The following TPTE2 variants were observed in gnomAD, a reference collection of about 807,000 sequenced individuals.
TPTE2 encodes transmembrane phosphoinositide 3-phosphatase and tensin homolog 2.
In TPTE2, 53 loss-of-function variants were observed where a neutral mutation model predicts 78.6. That is an observed-to-expected ratio of 0.67 (90% confidence interval 0.54 to 0.85). The LOEUF is 0.85. Ranked by LOEUF, TPTE2 falls within the 40% of genes least tolerant of loss-of-function variation. The pLI, the probability that TPTE2 is intolerant of heterozygous loss-of-function variation, is 0.00. For synonymous variants in TPTE2, 175 were observed against 206.2 expected, an observed-to-expected ratio of 0.85 and a Z score of 1.30; for missense variants, 461 against 623.0, an observed-to-expected ratio of 0.74 and a Z score of 2.77.
chr13:19,427,449 T>C (rs1221690829), intron 17 of TPTE2, among the ~76,000 whole-genome samples: 1 of 152,210 alleles, frequency 6.6e-6, no homozygotes, highest in Non-Finnish European at 1.5e-5. Flanking sequence ...CTTTAATCAA[T>C]TAAATATTAT....
intron 1 of TPTE2, among the ~76,000 whole-genome samples, chr13:19,518,385 T>G (rs1869934391): frequency 1.3e-5 from 2 of 152,060 alleles, no homozygotes; most frequent in Admixed American, 6.5e-5. Flanking sequence ...AAATTTTGAG[T>G]ATAAGAAAAA....
At position 19,502,480 on chromosome 13, in the gene TPTE2, G is replaced by A. The variant is rs976145758; in HGVS notation, c.11+744C>T. Among the ~76,000 whole-genome samples, 6 of 151,194 alleles carry A rather than the reference G, an allele frequency of 4.0e-5. 1 individual carries two copies. The highest frequency in any genetic ancestry group is 1.5e-4 in the African/African-American group (6 of 41,318). On this transcript the variant is annotated intron_variant, in intron 1 of 19. Transcript: ENST00000400230. ...ATACTATGCAGCCATAAAAAATGAT[G>A]AGTTCATGTCCTTTGTAGGGACATG...
chr13:19,541,898 T>C, the TPTE2 span, among the ~76,000 whole-genome samples: 2 of 152,208 alleles, frequency 1.3e-5, no homozygotes, highest in Non-Finnish European at 2.9e-5. Flanking sequence ...TATATAAGAT[T>C]GGAATTATTT....
At chr13:19,538,591 C>T (rs558541546), upstream of TPTE2, among the ~76,000 whole-genome samples, 5 of 151,374 alleles carry the variant, frequency 3.3e-5, no homozygotes, top group East Asian at 9.8e-4. Flanking sequence ...TGCAGTGGCG[C>T]GATCTTGGCT....
chr13:19,482,304 T>G (rs1301219164), intron 4 of TPTE2, among the ~76,000 whole-genome samples, 184 bp downstream of exon 7: 1 of 152,210 alleles, frequency 6.6e-6, no homozygotes, highest in Non-Finnish European at 1.5e-5. Context: ...GGATGGAATT[T>G]TTTTTTCAAA....
chr13:19,441,268 C>G (rs2497069), intron 13 of TPTE2, among the ~76,000 whole-genome samples: 149,402 of 151,898 alleles, frequency 0.98, 73,520 homozygotes, highest in Middle Eastern at 1. Flanking sequence ...GAGTTCTAGA[C>G]GGGGCACAGC....
chr13:19,469,664 C>A (rs1309210030), intron 6 of TPTE2, among the ~76,000 whole-genome samples: 1 of 152,084 alleles, frequency 6.6e-6, no homozygotes, highest in Non-Finnish European at 1.5e-5. Flanking sequence ...GAAATGGAAT[C>A]TCTTTCCATT....
intron 3 of TPTE2, among the ~76,000 whole-genome samples, chr13:19,490,936 G>T (rs1184100417): frequency 1.3e-5 from 2 of 152,144 alleles, no homozygotes; most frequent in African/African-American, 2.4e-5. Flanking sequence ...AGGTTTCAGG[G>T]TGCTGCTAAA....
chr13:19,471,920 A>G (rs1209594445), intron 6 of TPTE2, among the ~76,000 whole-genome samples: 2 of 152,100 alleles, frequency 1.3e-5, no homozygotes, highest in African/African-American at 4.8e-5. Context: ...CTTCACTTTG[A>G]AGGATATTTT....
rs535360802 is a variant in TPTE2 at position 19,530,914 on chromosome 13, G to A, written c.-44+5682C>T. Among the ~76,000 whole-genome samples, 4 of 152,144 alleles carry A rather than the reference G, an allele frequency of 2.6e-5. No homozygotes were observed. The South Asian group carries it at 6.2e-4, about 24-fold the overall frequency. On this transcript the variant is annotated intron_variant, in intron 1 of 17. Coordinates refer to the TPTE2 transcript ENST00000390680. ...CAATTCAGTGGTGTGAAGTACATTC[G>A]CATTGTTATGTAGCCATCTCTACTA...
rs144191868 is a variant in TPTE2 at position 19,528,867 on chromosome 13, C to A, written c.-44+7729G>T. 6.7e-3 allele frequency among the ~76,000 whole-genome samples: 1,022 copies of A among 152,224 alleles called. 9 individuals carry two copies. The highest frequency in any genetic ancestry group is 0.022 in the African/African-American group (905 of 41,542). The stretch of plus-strand genomic sequence containing the variant: ...GGGTGTGGTGGCTCACGCCTGTAAT[C>A]CCAGCACTTTGGGAGGCTGAGGTGG... On this transcript the variant is annotated intron_variant, in intron 1 of 17. Coordinates refer to the TPTE2 transcript ENST00000390680.
At chr13:19,504,011 A>T (rs1413186992), upstream of TPTE2, among the ~76,000 whole-genome samples, 1 of 152,072 alleles carries the variant, frequency 6.6e-6, no homozygotes, top group African/African-American at 2.4e-5. Context: ...AAGTGCTGGG[A>T]TTACAGGCAT....
At chr13:19,431,020 G>A (rs1426434540) in intron 16 of TPTE2, among the ~76,000 whole-genome samples, 3 of 151,836 alleles carry the variant, frequency 2.0e-5, no homozygotes, top group East Asian at 1.9e-4. Flanking sequence ...CTAGCTACTT[G>A]GGAGGCTGAG....
chr13:19,509,704 T>A (rs1283119939), intron 1 of TPTE2, among the ~76,000 whole-genome samples: 1 of 152,124 alleles, frequency 6.6e-6, no homozygotes, highest in South Asian at 2.1e-4. Context: ...CTACAAAATC[T>A]ATGTCAACAT....
At chr13:19,508,565 T>C (rs1223852615) in intron 1 of TPTE2, among the ~76,000 whole-genome samples, 1 of 152,058 alleles carries the variant, frequency 6.6e-6, no homozygotes, top group Non-Finnish European at 1.5e-5. Flanking sequence ...TTTGGATACA[T>C]GTGAAAAGCT....
chr13:19,520,245 G>GGTTTT (rs1373974663), intron 1 of TPTE2, among the ~76,000 whole-genome samples: 3 of 151,744 alleles, frequency 2.0e-5, no homozygotes, highest in African/African-American at 4.8e-5. Flanking sequence ...TTCTGTGGTT[G>GGTTTT]GTTTTGTTTT....
intron 1 of TPTE2, among the ~76,000 whole-genome samples, chr13:19,495,028 C>T (rs886552972): frequency 5.9e-5 from 9 of 152,202 alleles, no homozygotes; most frequent in African/African-American, 2.2e-4. Flanking sequence ...AGGGTATCTA[C>T]ACCTCAATGT....
At chr13:19,477,654 A>G (rs147744035) in intron 4 of TPTE2, among the ~76,000 whole-genome samples, 3,136 of 152,296 alleles carry the variant, frequency 0.021, 110 homozygotes, top group African/African-American at 0.072. Flanking sequence ...TGACAATGTC[A>G]CCATACAGAA....
At chr13:19,460,719 T>G (rs1162381745) in intron 10 of TPTE2, among the ~76,000 whole-genome samples, 1 of 152,146 alleles carries the variant, frequency 6.6e-6, no homozygotes, top group African/African-American at 2.4e-5. Context: ...GAGGTACTCC[T>G]TCCACCTCTC....
Sources: allele counts gnomAD v4.1 joint callset (sites outside exome capture counted in the v4.1 genomes callset), GRCh38; gene constraint gnomAD v4.1.1; transcripts MANE v1.5; gene names NCBI Gene and HGNC (gene_info 2026-07-23, HGNC 2026-07-21).